Variants in TMEM114 observed in about 807,000 individuals in gnomAD.
TMEM114 encodes the protein claudin-26.
A neutral mutation model predicts 6.2 loss-of-function variants in TMEM114; 6 were observed. That is an observed-to-expected ratio of 0.97 (90% CI 0.53 to 1.91). The LOEUF (loss-of-function observed/expected upper bound fraction) is 1.91. TMEM114 is among the 40% of genes most tolerant of loss of function. The probability of loss-of-function intolerance (pLI) is 0.01; values close to 1 mark genes in which losing one functional copy is unlikely to be tolerated. For synonymous variants in TMEM114, 104 were observed against 73.0 expected (o/e 1.42, Z -2.16); for missense variants, 218 against 158.3 (o/e 1.38, Z -2.02).
chr16:8,568,137 G>A (rs1447075101), downstream of TMEM114, among the ~76,000 whole-genome samples: 1 of 152,142 alleles, frequency 6.6e-6, no homozygotes, highest in African/African-American at 2.4e-5. Context: ...ATGTTAACCT[G>A]CCAGTGCCTC....
chr16:8,533,463 G>C (rs1900272685), downstream of TMEM114, among the ~76,000 whole-genome samples: 1 of 152,264 alleles, frequency 6.6e-6, no homozygotes, highest in South Asian at 2.1e-4. Flanking sequence ...TGGGCGAGGT[G>C]GTTATGGTTC....
chr16:8,570,506 A>G (rs374259257), intron 3 of TMEM114, among the ~76,000 whole-genome samples: 31 of 152,128 alleles, frequency 2.0e-4, no homozygotes, highest in African/African-American at 7.2e-4. Flanking sequence ...TAATGTTTGT[A>G]TTTTTAGTAG....
chr16:8,577,758 A>ATT (rs34052258), intron 2 of TMEM114, among the ~76,000 whole-genome samples: 7 of 150,960 alleles, frequency 4.6e-5, no homozygotes, highest in Non-Finnish European at 1.0e-4. Flanking sequence ...GAATTTTTGT[A>ATT]TTTTTTTTAG....
At chr16:8,550,772 T>C (rs1453744529) in intron 2 of TMEM114, among the ~76,000 whole-genome samples, 2 of 151,504 alleles carry the variant, frequency 1.3e-5, no homozygotes, top group Non-Finnish European at 2.9e-5. Context: ...CTCTGAATGT[T>C]CACCTCCTGC....
intron 2 of TMEM114, among the ~76,000 whole-genome samples, chr16:8,563,134 T>C (rs1901338470): frequency 6.8e-6 from 1 of 146,460 alleles, no homozygotes; most frequent in Admixed American, 6.8e-5. Context: ...AGTGTGTGAA[T>C]GAGTAAATGA....
At chr16:8,529,863 A>T in the TMEM114 span, among the ~76,000 whole-genome samples, 2 of 152,116 alleles carry the variant, frequency 1.3e-5, no homozygotes, top group African/African-American at 2.4e-5. Flanking sequence ...GCCAAGGTTG[A>T]CCACCACTAA....
At chr16:8,540,834 C>G (rs1900495810) in intron 2 of TMEM114, among the ~76,000 whole-genome samples, 1 of 152,208 alleles carries the variant, frequency 6.6e-6, no homozygotes, top group African/African-American at 2.4e-5. Flanking sequence ...TAGGATGTTT[C>G]AAGAGCTGAC....
chr16:8,528,458 G>A, the TMEM114 span, among the ~76,000 whole-genome samples: 3 of 152,078 alleles, frequency 2.0e-5, no homozygotes, highest in Non-Finnish European at 4.4e-5. Flanking sequence ...CTGTCTCAAA[G>A]CATCCAATCA....
At chr16:8,555,924 C>A (rs1000874640) in intron 2 of TMEM114, among the ~76,000 whole-genome samples, 3 of 152,194 alleles carry the variant, frequency 2.0e-5, no homozygotes, top group Non-Finnish European at 4.4e-5. Context: ...GAAGTATCTC[C>A]AACTGCCTCT....
chr16:8,555,767 G>A (rs995972792), intron 2 of TMEM114, among the ~76,000 whole-genome samples: 3 of 152,206 alleles, frequency 2.0e-5, no homozygotes, highest in African/African-American at 7.2e-5. Flanking sequence ...ATTGCAAAGG[G>A]GGGATGCAGT....
chr16:8,557,419 C>T (rs1413520547), intron 2 of TMEM114, among the ~76,000 whole-genome samples: 1 of 152,150 alleles, frequency 6.6e-6, no homozygotes, highest in Non-Finnish European at 1.5e-5. Context: ...GAGAAGTGCT[C>T]AGCCTGCCCC....
downstream of TMEM114, among the ~76,000 whole-genome samples, chr16:8,567,270 A>G (rs887596095): frequency 3.3e-5 from 5 of 152,054 alleles, no homozygotes; most frequent in African/African-American, 1.2e-4. Flanking sequence ...CAGATAGATT[A>G]TTGGTTCATG....
downstream of TMEM114, among the ~76,000 whole-genome samples, chr16:8,567,443 G>A (rs867319173): frequency 2.6e-5 from 4 of 152,224 alleles, no homozygotes; most frequent in African/African-American, 7.2e-5. Context: ...CTTATTCTGT[G>A]TTGTCAGTTC....
chr16:8,563,589 A>ATGAGTGAGTGTGTGAATGAG (rs145898310), intron 2 of TMEM114, among the ~76,000 whole-genome samples: 1 of 144,086 alleles, frequency 6.9e-6, no homozygotes, highest in Admixed American at 6.8e-5. Flanking sequence ...GAGTGAGTGA[A>ATGAGTGAGTGTGTGAATGAG]TGAGTGTGTG....
At chr16:8,586,893 G>A (rs1225138604) in intron 2 of TMEM114, among the ~76,000 whole-genome samples, 2 of 152,218 alleles carry the variant, frequency 1.3e-5, no homozygotes, top group South Asian at 2.1e-4. Flanking sequence ...CAGAGCACAC[G>A]GTACCTCCAC....
chr16:8,562,978 GAGGGAAGGAGT>G (rs1901324407), intron 2 of TMEM114, among the ~76,000 whole-genome samples: 1 of 65,346 alleles, frequency 1.5e-5, no homozygotes. Context: ...GAGAGTGATG[GAGGGAAGGAGT>G]GAGTGAATGA....
intron 2 of TMEM114, among the ~76,000 whole-genome samples, chr16:8,562,470 G>C (rs377447298): frequency 1.8e-5 from 2 of 109,044 alleles, no homozygotes; most frequent in Admixed American, 9.4e-5. Flanking sequence ...GGGAGGGAGG[G>C]AATGAGTGAG....
downstream of TMEM114, among the ~76,000 whole-genome samples, chr16:8,564,647 A>AGGG (rs1217316973): frequency 3.1e-4 from 25 of 81,452 alleles, 1 homozygote; most frequent in Admixed American, 7.1e-4. Context: ...ATGAGTGAGT[A>AGGG]AATGAGTGAG....
chr16:8,571,796 A>G (rs1197748169), intron 3 of TMEM114, among the ~76,000 whole-genome samples: 2 of 152,228 alleles, frequency 1.3e-5, no homozygotes, highest in East Asian at 3.8e-4. Context: ...TCACAGCCCT[A>G]AAGCTTGAAG....
Sources: allele counts gnomAD v4.1 joint callset (sites outside exome capture counted in the v4.1 genomes callset), GRCh38; gene constraint gnomAD v4.1.1; transcripts MANE v1.5; gene names NCBI Gene and HGNC (gene_info 2026-07-23, HGNC 2026-07-21).